The following LOC400499 variants were observed in gnomAD, a reference collection of about 807,000 sequenced individuals.
chr16:11,504,281 C>A, the LOC400499 span, among the ~76,000 whole-genome samples: 1 of 152,116 alleles, frequency 6.6e-6, no homozygotes, highest in Non-Finnish European at 1.5e-5. Flanking sequence ...CAGGGCCTGG[C>A]GCGGTGGTTC....
chr16:11,420,797 C>T, the LOC400499 span, among the ~76,000 whole-genome samples: 2 of 152,072 alleles, frequency 1.3e-5, no homozygotes, highest in Non-Finnish European at 2.9e-5. Context: ...CATCTCAGGC[C>T]CCACCCCAGA....
At chr16:11,508,177 G>T in the LOC400499 span, among the ~76,000 whole-genome samples, 1 of 152,148 alleles carries the variant, frequency 6.6e-6, no homozygotes, top group Non-Finnish European at 1.5e-5. Flanking sequence ...CATCTTACAT[G>T]TGGGTTCAGG....
chr16:11,445,149 A>G, the LOC400499 span, among the ~76,000 whole-genome samples: 1 of 152,010 alleles, frequency 6.6e-6, no homozygotes, highest in African/African-American at 2.4e-5. Context: ...CTATAGGGCA[A>G]GCTGGGTGCA....
the LOC400499 span, chr16:11,460,700 G>A: frequency 6.9e-7 from 1 of 1,442,764 alleles, no homozygotes; most frequent in Non-Finnish European, 9.1e-7. Flanking sequence ...GCCCAGCCTG[G>A]CCTCAGCCAC....
chr16:11,482,973 A>T, the LOC400499 span, among the ~76,000 whole-genome samples: 1 of 152,208 alleles, frequency 6.6e-6, no homozygotes, highest in African/African-American at 2.4e-5. Flanking sequence ...AGTAATAAGA[A>T]AACAAGCCAA....
chr16:11,403,541 T>C, the LOC400499 span, among the ~76,000 whole-genome samples: 1 of 152,144 alleles, frequency 6.6e-6, no homozygotes. Context: ...GGGGACCTGC[T>C]CACTTCCTCT....
the LOC400499 span, among the ~76,000 whole-genome samples, chr16:11,517,289 C>G: frequency 6.6e-6 from 1 of 152,114 alleles, no homozygotes; most frequent in Admixed American, 6.6e-5. Context: ...CATAAGCTCC[C>G]AAGTCTCAGC....
chr16:11,510,576 A>G, the LOC400499 span, among the ~76,000 whole-genome samples: 1 of 151,740 alleles, frequency 6.6e-6, no homozygotes, highest in Non-Finnish European at 1.5e-5. Context: ...CACCTTGACT[A>G]GGCTTTTTCC....
the LOC400499 span, among the ~76,000 whole-genome samples, chr16:11,432,699 A>G: frequency 6.6e-6 from 1 of 152,170 alleles, no homozygotes; most frequent in Non-Finnish European, 1.5e-5. Context: ...ACATGACACC[A>G]TTGGAGAGAT....
chr16:11,459,947 G>C, the LOC400499 span: 11 of 1,508,356 alleles, frequency 7.3e-6, 1 homozygote, highest in African/African-American at 9.6e-5. Context: ...TGAAGGTCTG[G>C]CTGACACGGA....
the LOC400499 span, chr16:11,475,762 T>C: frequency 1.0e-5 from 4 of 398,116 alleles, no homozygotes; most frequent in Non-Finnish European, 1.8e-5. Context: ...TTTCATTCAT[T>C]CATTAGACAA....
chr16:11,406,360 G>A, the LOC400499 span, among the ~76,000 whole-genome samples: 3 of 152,324 alleles, frequency 2.0e-5, no homozygotes, highest in East Asian at 3.9e-4. Context: ...TTCCGGCTGT[G>A]TAATATTCCA....
At chr16:11,424,375 G>A in the LOC400499 span, 1 of 399,532 alleles carries the variant, frequency 2.5e-6, no homozygotes, top group Non-Finnish European at 4.4e-6. Context: ...GCAGGAGTGG[G>A]CAGAGCCCCA....
chr16:11,401,626 C>G, the LOC400499 span, among the ~76,000 whole-genome samples: 2 of 152,232 alleles, frequency 1.3e-5, no homozygotes, highest in African/African-American at 4.8e-5. Flanking sequence ...GAACACAGGA[C>G]AGAGATGGGA....
chr16:11,415,418 C>T, the LOC400499 span, among the ~76,000 whole-genome samples: 1 of 152,340 alleles, frequency 6.6e-6, no homozygotes, highest in South Asian at 2.1e-4. Context: ...GCTCCACAGC[C>T]CTGAGCCTCG....
At chr16:11,463,654 A>G in the LOC400499 span, among the ~76,000 whole-genome samples, 2 of 152,104 alleles carry the variant, frequency 1.3e-5, no homozygotes, top group East Asian at 1.9e-4. Flanking sequence ...GGATTGTGTG[A>G]ATATGGATGT....
the LOC400499 span, among the ~76,000 whole-genome samples, chr16:11,388,880 A>T: frequency 6.6e-6 from 1 of 152,058 alleles, no homozygotes; most frequent in Admixed American, 6.5e-5. Context: ...TGAGCTCAGG[A>T]GTCTGAGACC....
chr16:11,420,703 G>A, the LOC400499 span, among the ~76,000 whole-genome samples: 1 of 151,624 alleles, frequency 6.6e-6, no homozygotes, highest in Non-Finnish European at 1.5e-5. Flanking sequence ...ATGACAGACG[G>A]GGAGAGGGCA....
chr16:11,409,688 T>G, the LOC400499 span, among the ~76,000 whole-genome samples: 1 of 152,228 alleles, frequency 6.6e-6, no homozygotes, highest in Admixed American at 6.5e-5. Context: ...GGGCTGTACA[T>G]TAAATGAAGG....
Sources: allele counts gnomAD v4.1 joint callset (sites outside exome capture counted in the v4.1 genomes callset), GRCh38; gene constraint gnomAD v4.1.1; transcripts MANE v1.5.